TAF4: variants seen among roughly 807,000 people sequenced by gnomAD.
TAF4 encodes the protein TATA-box binding protein associated factor 4.
TAF4 carries 9 observed loss-of-function variants against 90.3 expected under a neutral mutation model. That is an observed-to-expected ratio of 0.10 (90% CI 0.06 to 0.17). The LOEUF (loss-of-function observed/expected upper bound fraction) is 0.17. TAF4 is among the 10% of genes least tolerant of loss of function. The pLI is 1.00. For synonymous variants in TAF4, 818 were observed against 638.9 expected (o/e 1.28, Z -4.23); for missense variants, 1,351 against 1,370.7 (o/e 0.99, Z 0.23).
rs749446424 is a variant in TAF4, at chr20:62,064,585, G to A, written c.1226C>T (p.Thr409Ile). Residue 409 changes from threonine to isoleucine, a missense_variant, in exon 1 of 15, where the codon ACC becomes ATC. Physicochemically the swap from Thr to Ile is moderately conservative, Grantham distance 89 (BLOSUM62 -1). This residue lies in a region of TAF4 where 782 missense variants were observed against 536.6 expected (regional missense o/e 1.46). Transcript: ENST00000252996. ...CGTGGGCGTCCGGGACAGGCTCTGG[G>A]TCACTGCGCCGGCCGCGCCTTTGGG... ...GLPKGAAGAV[T>I]QSLSRTPTAT... 7 of 1,497,146 alleles carry A rather than the reference G, an allele frequency of 4.7e-6. No homozygotes were observed. Among genetic ancestry groups the A allele is most frequent in the Admixed American group, 4.3e-5 (2 of 46,156 alleles). 92.7% of individuals were successfully genotyped at this position (1,497,146 alleles called of 1,614,324 possible). A position where few individuals can be genotyped will look rare whatever the true frequency, so the allele number is the denominator to read the frequency against.
intron 1 of TAF4, among the ~76,000 whole-genome samples, chr20:62,054,911 C>T (rs1274627669): frequency 6.6e-6 from 1 of 152,176 alleles, no homozygotes; most frequent in African/African-American, 2.4e-5. Context: ...CTCACCCCGC[C>T]TGCCCACCTC....
intron 1 of TAF4, among the ~76,000 whole-genome samples, chr20:62,033,091 AG>A (rs1389073853): frequency 2.6e-5 from 4 of 152,166 alleles, no homozygotes; most frequent in Non-Finnish European, 5.9e-5. Flanking sequence ...GGATACGGTG[AG>A]GGAGTGACCT....
At chr20:62,012,788 C>T in intron 3 of TAF4, 27 bp downstream of exon 3, 5 of 1,600,186 alleles carry the variant, frequency 3.1e-6, no homozygotes, top group Non-Finnish European at 4.3e-6. Flanking sequence ...CCTGCAGCCT[C>T]AAGAGATCCG....
intron 1 of TAF4, among the ~76,000 whole-genome samples, chr20:62,028,213 G>C (rs971257571): frequency 6.6e-6 from 1 of 152,150 alleles, no homozygotes; most frequent in Non-Finnish European, 1.5e-5. Context: ...CCCAACACAC[G>C]GGTTCTGGCC....
chr20:62,045,213 G>A (rs1473891299), intron 1 of TAF4, among the ~76,000 whole-genome samples: 5 of 152,218 alleles, frequency 3.3e-5, no homozygotes, highest in Non-Finnish European at 5.9e-5. Context: ...TCCCCGCTCA[G>A]GACTGTCACA....
rs1289326892 is a variant in TAF4 at position 61,999,072 on chromosome 20, C to T, written c.2824G>A (p.Ala942Thr). ...DRYEQASDVRAQLKFFEQLDQ... is the reference protein window; with the variant it reads ...DRYEQASDVRTQLKFFEQLDQ... The stretch of plus-strand genomic sequence containing the variant: ...AGCTGTTCAAAAAACTTGAGCTGTG[C>T]CCGGACGTCACTCGCCTGCTCATAT... Residue 942 changes from alanine (A) to threonine (T), a missense_variant, in exon 12 of 15, where the codon GCA becomes ACA. Transcript: ENST00000252996. 4.3e-6 allele frequency: 7 copies of T among 1,614,018 alleles called. No individual in the cohort carries two copies. In the South Asian group the frequency reaches 7.7e-5, roughly 18 times the overall value.
chr20:62,049,081 C>T (rs1262093258), intron 1 of TAF4, among the ~76,000 whole-genome samples: 1 of 151,536 alleles, frequency 6.6e-6, no homozygotes, highest in Non-Finnish European at 1.5e-5. Context: ...CACCAGGCTC[C>T]GTCCCCCAAC....
At position 62,064,951 on chromosome 20, in the gene TAF4, G is replaced by A. The variant is rs1171143795; in HGVS notation, c.860C>T (p.Pro287Leu). The change falls in exon 1 of 15, where the codon CCC becomes CTC. Residue 287 changes from proline to leucine, a missense_variant. Coordinates refer to ENST00000252996, the MANE Select transcript of TAF4 (RefSeq NM_003185.4). ...GGGCGCGGCGGTCGGGGGTCCGGCG[G>A]GGTGGCCGGGCGGCCGGGCCAGAGT... ...PATLARPPGH[P>L]AGPPTAAPAV... is the part of the protein sequence containing the mutation. 1 of 504,532 alleles carries A rather than the reference G, an allele frequency of 2.0e-6. No homozygotes were observed. The highest frequency in any genetic ancestry group is 2.5e-6 in the Non-Finnish European group (1 of 398,592). The allele number at this position is 504,532 out of a possible 1,614,324, so 31.3% of individuals were successfully genotyped here.
At chr20:62,014,032 G>GTGTGTGTGTGTA (rs1555875783) in intron 2 of TAF4, among the ~76,000 whole-genome samples, 1 of 145,126 alleles carries the variant, frequency 6.9e-6, no homozygotes, top group East Asian at 2.5e-4. Context: ...GTGTGTGTGT[G>GTGTGTGTGTGTA]TGTGTGTGTG....
At chr20:62,044,487 T>C (rs1471783886) in intron 1 of TAF4, among the ~76,000 whole-genome samples, 2 of 152,188 alleles carry the variant, frequency 1.3e-5, no homozygotes, top group Admixed American at 1.3e-4. Context: ...ATTGGTAACA[T>C]AACCAACACA....
At chr20:62,051,570 G>A (rs1006821911) in intron 1 of TAF4, among the ~76,000 whole-genome samples, 2 of 152,020 alleles carry the variant, frequency 1.3e-5, no homozygotes, top group African/African-American at 2.4e-5. Flanking sequence ...AGGACACAGG[G>A]CTGGGCCTGT....
chr20:61,994,517 T>C (rs1330264067), intron 14 of TAF4, among the ~76,000 whole-genome samples: 1 of 152,276 alleles, frequency 6.6e-6, no homozygotes, highest in Non-Finnish European at 1.5e-5. Flanking sequence ...CAGGAGGGAT[T>C]TCTCTGAACC....
intron 1 of TAF4, among the ~76,000 whole-genome samples, chr20:62,052,269 C>T (rs2056033226): frequency 6.6e-6 from 1 of 151,698 alleles, no homozygotes. Context: ...CTCCCACCGA[C>T]CCGAAGCACG....
chr20:61,983,572 A>C (rs1050018222), intron 14 of TAF4, among the ~76,000 whole-genome samples: 4 of 152,170 alleles, frequency 2.6e-5, no homozygotes, highest in Non-Finnish European at 5.9e-5. Context: ...CTGAGGCAGG[A>C]GGATCCTTCT....
chr20:61,982,702 C>CA (rs1354777514), intron 14 of TAF4, among the ~76,000 whole-genome samples: 55 of 120,166 alleles, frequency 4.6e-4, no homozygotes, highest in African/African-American at 1.8e-3. Context: ...ACCAAACCCA[C>CA]ACCCCACCCG....
chr20:62,039,381 T>C (rs745345287), intron 1 of TAF4, among the ~76,000 whole-genome samples: 3 of 152,324 alleles, frequency 2.0e-5, no homozygotes, highest in East Asian at 1.9e-4. Flanking sequence ...GCTGGCATGA[T>C]TGGTAACCAC....
rs774665079 is a variant in TAF4, at chr20:62,065,667, G to C, written c.144C>G (p.Pro48=). The C allele has an allele frequency of 9.0e-7, 1 of 1,108,360 alleles. No homozygotes were observed. 68.7% of individuals were successfully genotyped at this position (1,108,360 alleles called of 1,614,324 possible). ...CGCCGGCGGCCGCGGCCCGCACCTC[G>C]GGCGTGCGCGGCGCGAGGTGGTGGT... ...AHHHHLAPRT[P]EVRAAAAGAL... is the part of the protein sequence containing the mutation. Residue 48 remains proline, a synonymous_variant, in exon 1 of 15, where the codon CCC becomes CCG. Coordinates refer to ENST00000252996, the MANE Select transcript of TAF4 (RefSeq NM_003185.4).
intron 14 of TAF4, among the ~76,000 whole-genome samples, chr20:61,993,753 T>G (rs1029256153): frequency 9.2e-5 from 14 of 152,080 alleles, no homozygotes; most frequent in African/African-American, 3.4e-4. Flanking sequence ...TTGGTTTTTT[T>G]GTTTGTTTTT....
intron 1 of TAF4, among the ~76,000 whole-genome samples, chr20:62,018,798 C>T (rs1225074365): frequency 6.6e-6 from 1 of 152,240 alleles, no homozygotes; most frequent in African/African-American, 2.4e-5. Context: ...ACAAGAAACA[C>T]GACATCCGTC....
Sources: gnomAD v4.1 joint callset for allele counts (sites outside exome capture counted in the v4.1 genomes callset) on GRCh38, gnomAD v4.1.1 for gene constraint, gnomAD v4.1.1 regional missense constraint, MANE v1.5 for transcripts, NCBI Gene and HGNC (gene_info 2026-07-23, HGNC 2026-07-21) for gene names.